Variants in CABLES1 observed in about 807,000 individuals in gnomAD.
The protein encoded by CABLES1 is Cdk5 and Abl enzyme substrate 1, also known as CDK5 and ABL1 enzyme substrate 1.
In CABLES1, 36 loss-of-function variants were observed where a neutral mutation model predicts 57.8. The ratio of observed to expected loss-of-function variants is 0.62; its 90% confidence interval spans 0.48 to 0.82. The LOEUF is 0.82. Ranked by LOEUF, CABLES1 falls within the 40% of genes least tolerant of loss-of-function variation. CABLES1 has a pLI of 0.00. For synonymous variants in CABLES1, 374 were observed against 363.0 expected, an observed-to-expected ratio of 1.03 and a Z score of -0.35; for missense variants, 767 against 836.6, an observed-to-expected ratio of 0.92 and a Z score of 1.03.
chr18:23,207,977 C>T (rs2047376450), intron 3 of CABLES1, among the ~76,000 whole-genome samples: 1 of 152,172 alleles, frequency 6.6e-6, no homozygotes, highest in Non-Finnish European at 1.5e-5. Flanking sequence ...TTAACTCATG[C>T]CCCCCAGTTC....
chr18:23,238,744 C>T (rs1365736002), intron 7 of CABLES1, among the ~76,000 whole-genome samples: 2 of 152,210 alleles, frequency 1.3e-5, no homozygotes, highest in African/African-American at 2.4e-5. Flanking sequence ...GAAACTGGCT[C>T]AGGGAGTCCA....
chr18:23,180,874 G>A (rs566717226), intron 1 of CABLES1, among the ~76,000 whole-genome samples: 2 of 152,294 alleles, frequency 1.3e-5, no homozygotes, highest in East Asian at 3.9e-4. Context: ...AGCAGGGGAT[G>A]GAGGCTTCCG....
intron 7 of CABLES1, among the ~76,000 whole-genome samples, chr18:23,251,770 T>C (rs1161629373): frequency 6.6e-6 from 1 of 152,136 alleles, no homozygotes; most frequent in East Asian, 1.9e-4. Flanking sequence ...TGACACATGC[T>C]ACAATGAGAT....
intron 3 of CABLES1, among the ~76,000 whole-genome samples, chr18:23,210,243 C>G (rs2047395343): frequency 6.6e-6 from 1 of 152,160 alleles, no homozygotes; most frequent in South Asian, 2.1e-4. Context: ...AATTCCTCTT[C>G]TGAAGTCATA....
chr18:23,247,134 C>G (rs2047916560), intron 7 of CABLES1, among the ~76,000 whole-genome samples: 1 of 152,244 alleles, frequency 6.6e-6, no homozygotes, highest in Non-Finnish European at 1.5e-5. Context: ...CCTAGTACAG[C>G]CTCCCCAGCT....
chr18:23,253,857 T>A lies in CABLES1; in HGVS notation c.1682T>A (p.Leu561Gln), dbSNP rs751334969. 9.3e-6 allele frequency: 15 copies of A among 1,614,084 alleles called. No individual in the cohort carries two copies. Among genetic ancestry groups the A allele is most frequent in the Non-Finnish European group, 3.4e-6 (4 of 1,180,038 alleles). ...KGKLNKQNRK[L>Q]CAGACVLLAA... is the part of the protein sequence containing the mutation. ...AAACTCAACAAACAGAACCGGAAGC[T>A]GTGTGCTGGGGCATGTGTGCTGTTA... The change falls in exon 9 of 10, where the codon CTG becomes CAG. Residue 561 changes from leucine to glutamine, a missense_variant. Transcript: ENST00000256925.
At chr18:23,220,735 A>T (rs975529501) in intron 4 of CABLES1, among the ~76,000 whole-genome samples, 4 of 152,086 alleles carry the variant, frequency 2.6e-5, no homozygotes, top group African/African-American at 9.7e-5. Flanking sequence ...TGCTGAGCTG[A>T]TGGGTTGTAG....
chr18:23,142,049 A>G (rs1326376722), intron 1 of CABLES1, among the ~76,000 whole-genome samples: 1 of 152,102 alleles, frequency 6.6e-6, no homozygotes. Flanking sequence ...CGGTTGGGAC[A>G]GATGAGCCTG....
rs112307600 is a variant in CABLES1, at chr18:23,236,348, C to G, written c.1342+297C>G. 2.2e-4 allele frequency among the ~76,000 whole-genome samples: 33 copies of G among 152,242 alleles called. 1 individual carries two copies. In the East Asian group the frequency reaches 3.5e-3, roughly 16 times the overall value. On this transcript the variant is annotated intron_variant, in intron 6 of 9. Transcript: ENST00000256925. The stretch of plus-strand genomic sequence containing the variant: ...AGCTTCCCTGACCACTCAGCTCCCC[C>G]CAACAATGACCTGGTTCTGTCCTAT...
chr18:23,168,809 AT>A lies in CABLES1; in HGVS notation c.846-20028del, dbSNP rs1167101107. Among the ~76,000 whole-genome samples the A allele has an allele frequency of 3.9e-5, 6 of 152,246 alleles. No individual in the cohort carries two copies. The East Asian group carries it at 1.2e-3, about 29-fold the overall frequency. ...AGGCCCTGGGTGCTGGAGAAGAGCAATCAGACCTGTGTGAGTGCCCATTTGT... is the reference window on the plus strand; with the variant it reads ...AGGCCCTGGGTGCTGGAGAAGAGCAACAGACCTGTGTGAGTGCCCATTTGT... On this transcript the variant is annotated intron_variant, in intron 1 of 9. Transcript: ENST00000256925.
At chr18:23,190,642 T>G (rs1222647183) in intron 2 of CABLES1, 3 of 152,226 alleles carry the variant, frequency 2.0e-5, no homozygotes, top group Non-Finnish European at 2.9e-5. Context: ...CTTGTTGGCC[T>G]CAACTGTGAC....
chr18:23,218,055 A>G (rs1292768138), intron 4 of CABLES1, among the ~76,000 whole-genome samples: 2 of 151,674 alleles, frequency 1.3e-5, no homozygotes, highest in Admixed American at 1.3e-4. Context: ...CAAGCACAAC[A>G]CCCCCGCCAC....
chr18:23,168,815 C>T (rs1372752257), intron 1 of CABLES1, among the ~76,000 whole-genome samples: 1 of 152,142 alleles, frequency 6.6e-6, no homozygotes, highest in Non-Finnish European at 1.5e-5. Context: ...AGCAATCAGA[C>T]CTGTGTGAGT....
At chr18:23,196,653 C>T (rs113001112) in intron 3 of CABLES1, among the ~76,000 whole-genome samples, 9 of 152,250 alleles carry the variant, frequency 5.9e-5, no homozygotes, top group African/African-American at 1.7e-4. Flanking sequence ...GAGCCCAGTC[C>T]CTGAAATGAC....
At chr18:23,201,796 G>T (rs1237639496) in intron 3 of CABLES1, among the ~76,000 whole-genome samples, 1 of 152,232 alleles carries the variant, frequency 6.6e-6, no homozygotes, top group African/African-American at 2.4e-5. Flanking sequence ...ACAGGTGAAA[G>T]ATGAGATAAT....
rs763239686 is a variant in CABLES1, at chr18:23,193,194, CT to C, written c.918-1240del. 2.5e-3 allele frequency among the ~76,000 whole-genome samples: 359 copies of C among 142,124 alleles called. 2 individuals are homozygous for C. Among genetic ancestry groups the C allele is most frequent in the African/African-American group, 5.1e-3 (196 of 38,248 alleles). 93.2% of individuals were successfully genotyped at this position (142,124 alleles called of 152,430 possible). On this transcript the variant is annotated intron_variant, in intron 2 of 9. Coordinates refer to ENST00000256925, the MANE Select transcript of CABLES1 (RefSeq NM_001100619.3). The stretch of plus-strand genomic sequence containing the variant: ...TCTGCAAGCCTTTAAAAGAATCTTT[CT>C]TTTTTTTTTTTTTCCAGACTGTGTC...
At chr18:23,162,472 A>T (rs948625101) in intron 1 of CABLES1, among the ~76,000 whole-genome samples, 1 of 152,210 alleles carries the variant, frequency 6.6e-6, no homozygotes, top group African/African-American at 2.4e-5. Flanking sequence ...GGAGATGTTT[A>T]TCAAGCATAC....
In CABLES1 at chr18:23,135,958, C is replaced by A; in HGVS notation, c.196C>A (p.Leu66Ile). Reference sequence around the variant, plus strand: ...GGACCCGCGGCGCCGCCAGGCTGCCCTCTCCTTCCTCACCAACATCTCGCT... The same window carrying A: ...GGACCCGCGGCGCCGCCAGGCTGCCATCTCCTTCCTCACCAACATCTCGCT... ...RMDPRRRQAA[L>I]SFLTNISLDG... Residue 66 changes from leucine (L) to isoleucine (I), a missense_variant, in exon 1 of 10, where the codon CTC (leucine) becomes ATC (isoleucine). Leu to Ile is a conservative substitution (Grantham distance 5). Around this residue, in one of 4 missense-constraint regions of CABLES1, gnomAD observed 198 missense variants for 149.7 expected, o/e 1.32. Coordinates refer to ENST00000256925, the MANE Select transcript of CABLES1 (RefSeq NM_001100619.3). 1.8e-6 allele frequency: 2 copies of A among 1,138,212 alleles called. No individual in the cohort carries two copies. The highest frequency in any genetic ancestry group is 4.8e-5 in the East Asian group (1 of 20,620). The allele number at this position is 1,138,212 out of a possible 1,614,324, so 70.5% of individuals were successfully genotyped here. A position where few individuals can be genotyped will look rare whatever the true frequency, so the allele number is the denominator to read the frequency against.
chr18:23,253,637 A>C (rs545975586), intron 8 of CABLES1, 92 bp from the exon 9 acceptor site: 7 of 1,076,986 alleles, frequency 6.5e-6, no homozygotes, highest in Admixed American at 2.2e-5. Context: ...GGGAAAGAGA[A>C]AGAGAAAAAG....
Sources: allele counts gnomAD v4.1 joint callset (sites outside exome capture counted in the v4.1 genomes callset), GRCh38; gene constraint gnomAD v4.1.1; regional missense constraint gnomAD v4.1.1; transcripts MANE v1.5; gene names NCBI Gene and HGNC (gene_info 2026-07-23, HGNC 2026-07-21).